Variants in DERA observed in about 807,000 individuals in gnomAD.
DERA encodes 2-deoxy-D-ribose 5-phosphate aldolase.
Under a neutral mutation model 41.1 loss-of-function variants are expected in DERA, and 15 were observed. That is an observed-to-expected ratio of 0.37 (90% confidence interval 0.24 to 0.56). The LOEUF is 0.56. DERA is among the 20% of genes least tolerant of loss of function. The pLI is 0.81. For missense variants in DERA, 396 were observed against 403.4 expected (o/e 0.98, Z 0.16); for synonymous variants, 139 against 137.4 (o/e 1.01, Z -0.08).
chr12:15,929,918 C>T (rs865963967), intron 1 of DERA, among the ~76,000 whole-genome samples: 4 of 152,098 alleles, frequency 2.6e-5, no homozygotes, highest in Non-Finnish European at 4.4e-5. Context: ...TATTTAATTA[C>T]CTGTAGCTTT....
intron 5 of DERA, chr12:15,971,891 C>G: frequency 3.1e-6 from 1 of 323,946 alleles, no homozygotes; most frequent in Non-Finnish European, 6.0e-6. Context: ...GGAGCACAGT[C>G]AATCTTCAGT....
Position 15,938,693 on chromosome 12 carries a change from A to G in DERA, c.32-18243A>G, listed in dbSNP as rs1437891235. Among the ~76,000 whole-genome samples the G allele has an allele frequency of 6.6e-6, 1 of 152,230 alleles. No homozygotes were observed. The highest frequency in any genetic ancestry group is 1.5e-5 in the Non-Finnish European group (1 of 68,032). The stretch of plus-strand genomic sequence containing the variant: ...ATTTTCAATTCACATTTTTTAATTG[A>G]AATGTGTAAATATTTTACCAGAAAT... On this transcript the variant is annotated intron_variant, in intron 1 of 8. Transcript: ENST00000428559. The surrounding 1 kb of genome is among the most constrained non-coding windows in gnomAD (Gnocchi z 4.1).
rs958629957 is a variant in DERA at position 15,965,149 on chromosome 12, G to A, written c.508+2202G>A. ...TCAGTGTCATGTTTTAATATTAGCT[G>A]TTTATTAAAATATGAGCATAAAATA... is the stretch of plus-strand genomic sequence containing the variant. On this transcript the variant is annotated intron_variant, in intron 5 of 8. Coordinates refer to ENST00000428559, the MANE Select transcript of DERA (RefSeq NM_015954.4). This position sits in a 1 kb window ranked among gnomAD's most constrained non-coding sequence, Gnocchi z 4.1. Among the ~76,000 whole-genome samples, 1 of 152,124 alleles carries A rather than the reference G, an allele frequency of 6.6e-6. No individual in the cohort carries two copies. The highest frequency in any genetic ancestry group is 2.1e-4 in the South Asian group (1 of 4,820).
chr12:16,033,581 T>TTGTGTGTGTGTGTGTGTGTGTG (rs146182174), intron 7 of DERA, among the ~76,000 whole-genome samples: 1 of 127,662 alleles, frequency 7.8e-6, no homozygotes, highest in Non-Finnish European at 1.6e-5. Context: ...GAGAGCAAGG[T>TTGTGTGTGTGTGTGTGTGTGTG]TGTGTGTGTG....
rs1019849855 is a variant in DERA at position 15,943,578 on chromosome 12, C to T, written c.32-13358C>T. The stretch of plus-strand genomic sequence containing the variant: ...ACCATATGCATTGTATTTTATATTG[C>T]CACACAGTACATGCCACACAGTACA... On this transcript the variant is annotated intron_variant, in intron 1 of 8. Transcript: ENST00000428559. This position sits in a 1 kb window ranked among gnomAD's most constrained non-coding sequence, Gnocchi z 4.5. Among the ~76,000 whole-genome samples, 1 of 152,030 alleles carries T rather than the reference C, an allele frequency of 6.6e-6. No homozygotes were observed. The highest frequency in any genetic ancestry group is 2.4e-5 in the African/African-American group (1 of 41,392).
In DERA at chr12:15,911,443, C is replaced by T. The variant is rs1308892182; in HGVS notation, c.31+29C>T. ...AGGGGCCCGCGGGGCTCCCCATCCC[C>T]TCTCCCTCGCGTTCAGCGCCGCCGG... On this transcript the variant is annotated intron_variant, in intron 1 of 8. Coordinates refer to ENST00000428559, the MANE Select transcript of DERA (RefSeq NM_015954.4). This position sits in a 1 kb window ranked among gnomAD's most constrained non-coding sequence, Gnocchi z 4.5. 15 of 1,411,782 alleles carry T rather than the reference C, an allele frequency of 1.1e-5. 1 individual carries two copies. The South Asian group carries it at 1.5e-4, about 14-fold the overall frequency. The allele number at this position is 1,411,782 out of a possible 1,614,324, so 87.5% of individuals were successfully genotyped here. A position where few individuals can be genotyped will look rare whatever the true frequency, so the allele number is the denominator to read the frequency against.
In DERA at chr12:16,001,001, A is replaced by T. The variant is rs1948871243; in HGVS notation, c.637+18565A>T. ...TAAAAATCCTTAAAAGTGCTCTGAG[A>T]CATTTTCATTATTGTCAGTATTTTC... On this transcript the variant is annotated intron_variant, in intron 6 of 8. Transcript: ENST00000428559. The surrounding 1 kb of genome is among the most constrained non-coding windows in gnomAD (Gnocchi z 4.1). Among the ~76,000 whole-genome samples the T allele has an allele frequency of 6.6e-6, 1 of 152,232 alleles. No individual in the cohort carries two copies. The highest frequency in any genetic ancestry group is 6.5e-5 in the Admixed American group (1 of 15,282).
rs1315806605 is a variant in DERA, at chr12:15,994,961, T to C, written c.637+12525T>C. ...GAGGTATCTTATTATCATCTTTTAG[T>C]AGATGAAAACCTGAAGCTCAGAAGT... is the stretch of plus-strand genomic sequence containing the variant. On this transcript the variant is annotated intron_variant, in intron 6 of 8. Transcript: ENST00000428559. This position sits in a 1 kb window ranked among gnomAD's most constrained non-coding sequence, Gnocchi z 4.8. Among the ~76,000 whole-genome samples, 1 of 152,182 alleles carries C rather than the reference T, an allele frequency of 6.6e-6. No homozygotes were observed. Among genetic ancestry groups the C allele is most frequent in the Non-Finnish European group, 1.5e-5 (1 of 68,046 alleles).
rs1012323409 is a variant in DERA, at chr12:15,965,729, C to G, written c.508+2782C>G. On this transcript the variant is annotated intron_variant, in intron 5 of 8. Transcript: ENST00000428559. The surrounding 1 kb of genome is among the most constrained non-coding windows in gnomAD (Gnocchi z 4.1). ...TTCCACCCTCCTTGAAGCTCCTTCA[C>G]TGTTAGCATATGAACTGCCTCCTAC... is the stretch of plus-strand genomic sequence containing the variant. 2.0e-5 allele frequency among the ~76,000 whole-genome samples: 3 copies of G among 152,206 alleles called. No individual in the cohort carries two copies. The highest frequency in any genetic ancestry group is 4.8e-5 in the African/African-American group (2 of 41,438).
At chr12:15,947,247 A>G (rs937344021) in intron 1 of DERA, among the ~76,000 whole-genome samples, 1 of 152,266 alleles carries the variant, frequency 6.6e-6, no homozygotes, top group South Asian at 2.1e-4. Context: ...GATTAGTTCA[A>G]TTCCTGGATA....
rs565018639 is a variant in DERA, at chr12:15,989,954, C to G, written c.637+7518C>G. 6.6e-6 allele frequency among the ~76,000 whole-genome samples: 1 copy of G among 152,298 alleles called. No individual in the cohort carries two copies. The highest frequency in any genetic ancestry group is 6.5e-5 in the Admixed American group (1 of 15,302). ...AAGGAACACAGTCAGAAGACCAGAACTCTTGTTCTGTCTTGCATATTTTGT... is the reference window on the plus strand; with the variant it reads ...AAGGAACACAGTCAGAAGACCAGAAGTCTTGTTCTGTCTTGCATATTTTGT... On this transcript the variant is annotated intron_variant, in intron 6 of 8. Coordinates refer to ENST00000428559, the MANE Select transcript of DERA (RefSeq NM_015954.4). This position sits in a 1 kb window ranked among gnomAD's most constrained non-coding sequence, Gnocchi z 5.2.
At chr12:15,956,640 G>A in intron 1 of DERA, 1 of 447,188 alleles carries the variant, frequency 2.2e-6, no homozygotes, top group Non-Finnish European at 4.3e-6. Flanking sequence ...CGTTAGACAT[G>A]TCTGTGTGAT....
rs1948176976 is a variant in DERA, at chr12:15,913,202, T to A, written c.31+1788T>A. On this transcript the variant is annotated intron_variant, in intron 1 of 8. Transcript: ENST00000428559. This position sits in a 1 kb window ranked among gnomAD's most constrained non-coding sequence, Gnocchi z 4.5. Reference sequence around the variant, plus strand: ...AGAATCAATCACTTCCATTCATTTGTTGAAAAGTAATAGACATAAATAATT... The same window carrying A: ...AGAATCAATCACTTCCATTCATTTGATGAAAAGTAATAGACATAAATAATT... Among the ~76,000 whole-genome samples, 1 of 152,262 alleles carries A rather than the reference T, an allele frequency of 6.6e-6. No individual in the cohort carries two copies. The highest frequency in any genetic ancestry group is 1.5e-5 in the Non-Finnish European group (1 of 68,042).
chr12:15,952,610 T>C lies in DERA; in HGVS notation c.32-4326T>C, dbSNP rs189740085. On this transcript the variant is annotated intron_variant, in intron 1 of 8. Coordinates refer to ENST00000428559, the MANE Select transcript of DERA (RefSeq NM_015954.4). ...GCCAAGTGTACCCCAAATATTATAA[T>C]TTCATTGTGAAATCAATGTTAAAAC... 1.0e-4 allele frequency among the ~76,000 whole-genome samples: 16 copies of C among 152,382 alleles called. No homozygotes were observed. The East Asian group carries it at 2.1e-3, about 20-fold the overall frequency.
intron 1 of DERA, among the ~76,000 whole-genome samples, chr12:15,944,772 G>A (rs1200264605): frequency 2.6e-5 from 4 of 152,138 alleles, no homozygotes; most frequent in African/African-American, 9.7e-5. Context: ...TGTTGCCATT[G>A]CTTTTGGTGT....
In DERA at chr12:15,982,197, A is replaced by C; in HGVS notation, c.509-111A>C. ...ATTGGGGTGATTTTTAGAAAGTGAC[A>C]AATGTTTTATGTTTCCTAAATGTGA... On this transcript the variant is annotated intron_variant, in intron 5 of 8. Transcript: ENST00000428559. This position sits in a 1 kb window ranked among gnomAD's most constrained non-coding sequence, Gnocchi z 4.0. 9.1e-7 allele frequency: 1 copy of C among 1,101,086 alleles called. No individual in the cohort carries two copies. The highest frequency in any genetic ancestry group is 1.3e-6 in the Non-Finnish European group (1 of 782,284). 68.2% of individuals were successfully genotyped at this position (1,101,086 alleles called of 1,614,324 possible). A position where few individuals can be genotyped will look rare whatever the true frequency, so the allele number is the denominator to read the frequency against.
intron 6 of DERA, among the ~76,000 whole-genome samples, chr12:15,991,423 A>G (rs559703782): frequency 1.3e-5 from 2 of 152,224 alleles, no homozygotes; most frequent in South Asian, 4.1e-4. Flanking sequence ...TATTCTGTTG[A>G]TAGTTTCTTT....
At chr12:15,978,243 A>G (rs538563183) in intron 5 of DERA, among the ~76,000 whole-genome samples, 1 of 152,330 alleles carries the variant, frequency 6.6e-6, no homozygotes, top group East Asian at 1.9e-4. Flanking sequence ...CTAAACACTA[A>G]TAATGCTTCT....
chr12:15,924,034 G>T lies in DERA; in HGVS notation c.31+12620G>T, dbSNP rs1948264980. 6.6e-6 allele frequency among the ~76,000 whole-genome samples: 1 copy of T among 152,184 alleles called. No homozygotes were observed. Among genetic ancestry groups the T allele is most frequent in the African/African-American group, 2.4e-5 (1 of 41,432 alleles). On this transcript the variant is annotated intron_variant, in intron 1 of 8. Coordinates refer to ENST00000428559, the MANE Select transcript of DERA (RefSeq NM_015954.4). The surrounding 1 kb of genome is among the most constrained non-coding windows in gnomAD (Gnocchi z 5.0). ...AGTTGAAGAAAATAATTGAGTTAGT[G>T]AGTAACAGCCAAATAATTCTATCCA...
Sources: allele counts gnomAD v4.1 joint callset (sites outside exome capture counted in the v4.1 genomes callset), GRCh38; gene constraint gnomAD v4.1.1; non-coding constraint Gnocchi (gnomAD v3.1); transcripts MANE v1.5; gene names NCBI Gene and HGNC (gene_info 2026-07-23, HGNC 2026-07-21).